Variants in NAPG observed in about 807,000 individuals in gnomAD.
The protein encoded by NAPG is NSF attachment protein gamma, also known as gamma-soluble NSF attachment protein.
In NAPG, 25 loss-of-function variants were observed where a neutral mutation model predicts 48.4. The observed-to-expected ratio is 0.52, with a 90% CI of 0.38 to 0.72. The LOEUF is 0.72. Among genes scored for constraint, NAPG ranks in the 30% least tolerant of loss-of-function variants. NAPG has a pLI of 0.00. For synonymous variants in NAPG, 139 were observed against 127.2 expected (o/e 1.09, Z -0.62); for missense variants, 359 against 372.5 (o/e 0.96, Z 0.30).
Position 10,550,266 on chromosome 18 carries a change from A to G in NAPG, c.*46A>G. 6.5e-7 allele frequency: 1 copy of G among 1,547,862 alleles called. No homozygotes were observed. The highest frequency in any genetic ancestry group is 8.7e-7 in the Non-Finnish European group (1 of 1,151,830). ...AAAGGGAAACAAAGGTAAAATCCTG[A>G]CATGCCATTTCAAGGACTTGGGAAT... On this transcript the variant is annotated 3_prime_UTR_variant, in exon 12 of 12. Coordinates refer to ENST00000322897, the MANE Select transcript of NAPG (RefSeq NM_003826.3).
intron 9 of NAPG, among the ~76,000 whole-genome samples, chr18:10,547,220 A>G (rs1336396526): frequency 6.6e-6 from 1 of 152,228 alleles, no homozygotes; most frequent in African/African-American, 2.4e-5. Flanking sequence ...GATTTGAATT[A>G]AGTGTAGAAC....
At chr18:10,536,618 T>TA (rs2032038129) in intron 5 of NAPG, among the ~76,000 whole-genome samples, 2 of 152,218 alleles carry the variant, frequency 1.3e-5, no homozygotes, top group South Asian at 4.1e-4. Flanking sequence ...TTGGACCTCT[T>TA]ACTCACAGCC....
chr18:10,548,273 G>A lies in NAPG; in HGVS notation c.586-26G>A, dbSNP rs776139580. On this transcript the variant is annotated intron_variant, in intron 9 of 11. Transcript: ENST00000322897. The surrounding 1 kb of genome is among the most constrained non-coding windows in gnomAD (Gnocchi z 4.4). ...GACTTTATTAAACAGATGTAAATTTGACCATGATCCTCTCTTTTGTTTTAG... is the reference window on the plus strand; with the variant it reads ...GACTTTATTAAACAGATGTAAATTTAACCATGATCCTCTCTTTTGTTTTAG... The A allele has an allele frequency of 6.4e-7, 1 of 1,555,854 alleles. No homozygotes were observed. The highest frequency in any genetic ancestry group is 1.4e-5 in the African/African-American group (1 of 73,754).
rs1449942158 is a variant in NAPG at position 10,542,328 on chromosome 18, A to G, written c.506+1929A>G. The stretch of plus-strand genomic sequence containing the variant: ...AATATATTTTTGAAGTGTATTAACA[A>G]TATAAAAATTAATTTAAATTTGTGC... On this transcript the variant is annotated intron_variant, in intron 8 of 11. Transcript: ENST00000322897. This position sits in a 1 kb window ranked among gnomAD's most constrained non-coding sequence, Gnocchi z 4.5. 6.6e-6 allele frequency among the ~76,000 whole-genome samples: 1 copy of G among 152,156 alleles called. No individual in the cohort carries two copies. The highest frequency in any genetic ancestry group is 6.5e-5 in the Admixed American group (1 of 15,276).
rs1031824142 is a variant in NAPG, at chr18:10,551,303, C to T, written c.*1083C>T. 2 of 152,056 alleles carry T rather than the reference C, an allele frequency of 1.3e-5. No homozygotes were observed. Among genetic ancestry groups the T allele is most frequent in the African/African-American group, 4.8e-5 (2 of 41,388 alleles). 9.4% of individuals were successfully genotyped at this position (152,056 alleles called of 1,614,324 possible). A position where few individuals can be genotyped will look rare whatever the true frequency, so the allele number is the denominator to read the frequency against. On this transcript the variant is annotated 3_prime_UTR_variant, in exon 12 of 12. Transcript: ENST00000322897. ...CCATCAGTCTAATACAGATATATTT[C>T]TTCCCTCCAAAACAGTTTATTTTGA...
chr18:10,548,344 G>A lies in NAPG; in HGVS notation c.631G>A (p.Val211Ile). Residue 211 changes from valine (V) to isoleucine (I), a missense_variant, in exon 10 of 12, where the codon GTA (valine) becomes ATA (isoleucine). Coordinates refer to ENST00000322897, the MANE Select transcript of NAPG (RefSeq NM_003826.3). The surrounding 1 kb of genome is among the most constrained non-coding windows in gnomAD (Gnocchi z 4.4). ...VLVHLHRNDY[V>I]AAERCVRESY... is the part of the protein sequence containing the mutation. ...AGTTCATCTACACAGAAATGACTAT[G>A]TAGCTGCAGAAAGATGTGTCCGGGA... 6.2e-7 allele frequency: 1 copy of A among 1,613,902 alleles called. No homozygotes were observed. Among genetic ancestry groups the A allele is most frequent in the Non-Finnish European group, 8.5e-7 (1 of 1,179,802 alleles).
rs775931054 is a variant in NAPG at position 10,543,661 on chromosome 18, A to G, written c.507-2665A>G. Among the ~76,000 whole-genome samples, 4 of 152,194 alleles carry G rather than the reference A, an allele frequency of 2.6e-5. No individual in the cohort carries two copies. The highest frequency in any genetic ancestry group is 6.5e-5 in the Admixed American group (1 of 15,284). On this transcript the variant is annotated intron_variant, in intron 8 of 11. Coordinates refer to ENST00000322897, the MANE Select transcript of NAPG (RefSeq NM_003826.3). This position sits in a 1 kb window ranked among gnomAD's most constrained non-coding sequence, Gnocchi z 4.4. ...TCTGTGACAGTTTTCTGCCATTTGC[A>G]CATAACTTCTGTGGGGTTTCAATTT...
chr18:10,549,975 G>A (rs1366917468), intron 11 of NAPG, 102 bp from the exon 12 acceptor site: 4 of 1,239,640 alleles, frequency 3.2e-6, no homozygotes, highest in Non-Finnish European at 4.3e-6. Flanking sequence ...TAGAATTGGT[G>A]TTCCTGAGGG....
At chr18:10,537,090 G>A (rs1471987520) in intron 5 of NAPG, among the ~76,000 whole-genome samples, 1 of 151,928 alleles carries the variant, frequency 6.6e-6, no homozygotes, top group Non-Finnish European at 1.5e-5. Flanking sequence ...CTGAGTAGCT[G>A]GGACTATAGG....
Position 10,526,081 on chromosome 18 carries a change from C to G in NAPG, c.-22C>G. 1 of 1,612,446 alleles carries G rather than the reference C, an allele frequency of 6.2e-7. No homozygotes were observed. Among genetic ancestry groups the G allele is most frequent in the Non-Finnish European group, 8.5e-7 (1 of 1,178,676 alleles). ...AAGAGGCAGGGTCACCCTCTCTCCA[C>G]GTCAGAGACCTGACTGTGGAGATGG... On this transcript the variant is annotated 5_prime_UTR_variant, in exon 1 of 12. Transcript: ENST00000322897.
rs1598413575 is a variant in NAPG, at chr18:10,548,845, C to G, written c.666-122C>G. The stretch of plus-strand genomic sequence containing the variant: ...CTGCCCTCTAGATGCCACTAGCATT[C>G]CCACACTTTTAAGTACCAAAATGTC... On this transcript the variant is annotated intron_variant, in intron 10 of 11. Transcript: ENST00000322897. This position sits in a 1 kb window ranked among gnomAD's most constrained non-coding sequence, Gnocchi z 4.4. 1 of 1,262,704 alleles carries G rather than the reference C, an allele frequency of 7.9e-7. No individual in the cohort carries two copies. The highest frequency in any genetic ancestry group is 1.1e-6 in the Non-Finnish European group (1 of 926,278). The allele number at this position is 1,262,704 out of a possible 1,614,324, so 78.2% of individuals were successfully genotyped here.
intron 1 of NAPG, chr18:10,526,475 T>G: frequency 2.8e-6 from 1 of 357,244 alleles, no homozygotes; most frequent in Non-Finnish European, 5.1e-6. Context: ...CTGAAGATTG[T>G]GGTGGGGGCT....
chr18:10,547,226 A>G (rs538419322), intron 9 of NAPG, among the ~76,000 whole-genome samples: 18 of 152,380 alleles, frequency 1.2e-4, no homozygotes, highest in African/African-American at 4.1e-4. Context: ...AATTAAGTGT[A>G]GAACTTCCAT....
rs571267185 is a variant in NAPG, at chr18:10,539,743, C to T, written c.259-19C>T. Reference sequence around the variant, plus strand: ...ATTGATGCATTTGCTGACCTGTCTACTGTATCCTTTGCCCAAAGGAGATGC... The same window carrying T: ...ATTGATGCATTTGCTGACCTGTCTATTGTATCCTTTGCCCAAAGGAGATGC... On this transcript the variant is annotated intron_variant, in intron 5 of 11. Coordinates refer to ENST00000322897, the MANE Select transcript of NAPG (RefSeq NM_003826.3). This position sits in a 1 kb window ranked among gnomAD's most constrained non-coding sequence, Gnocchi z 4.7. 6 of 1,592,540 alleles carry T rather than the reference C, an allele frequency of 3.8e-6. No homozygotes were observed. The South Asian group carries it at 6.6e-5, about 18-fold the overall frequency.
At chr18:10,533,617 A>G in intron 4 of NAPG, 64 bp downstream of exon 4, 1 of 1,392,116 alleles carries the variant, frequency 7.2e-7, no homozygotes, top group East Asian at 2.4e-5. Flanking sequence ...GTTTTTCTGT[A>G]GGTTGGTAAT....
At chr18:10,526,656 C>T (rs2031818882) in intron 1 of NAPG, 1 of 155,332 alleles carries the variant, frequency 6.4e-6, no homozygotes, top group Non-Finnish European at 1.4e-5. Flanking sequence ...CATAGGTTTA[C>T]CCCAAAAACT....
chr18:10,533,626 A>G, intron 4 of NAPG, 73 bp downstream of exon 4: 1 of 1,273,622 alleles, frequency 7.9e-7, no homozygotes, highest in South Asian at 1.4e-5. Flanking sequence ...TAGGTTGGTA[A>G]TTTTTTCCCA....
At chr18:10,529,256 G>GTA (rs1391027556) in intron 1 of NAPG, among the ~76,000 whole-genome samples, 3 of 152,162 alleles carry the variant, frequency 2.0e-5, no homozygotes, top group Non-Finnish European at 4.4e-5. Context: ...TAGGAACAGA[G>GTA]GGTTAGCATT....
intron 5 of NAPG, among the ~76,000 whole-genome samples, chr18:10,538,493 T>G (rs2032081820): frequency 6.6e-6 from 1 of 152,222 alleles, no homozygotes; most frequent in Non-Finnish European, 1.5e-5. Context: ...ATAGAGTCAT[T>G]GGGCTGCCAG....
Sources: allele counts gnomAD v4.1 joint callset (sites outside exome capture counted in the v4.1 genomes callset), GRCh38; gene constraint gnomAD v4.1.1; non-coding constraint Gnocchi (gnomAD v3.1); transcripts MANE v1.5; gene names NCBI Gene and HGNC (gene_info 2026-07-23, HGNC 2026-07-21).